Variants in BNIP1 observed in about 807,000 individuals in gnomAD.
BNIP1 encodes the protein vesicle transport protein SEC20.
BNIP1 carries 25 observed loss-of-function variants against 28.5 expected under a neutral mutation model. The ratio of observed to expected loss-of-function variants is 0.88; its 90% CI spans 0.64 to 1.23. The LOEUF is 1.23. BNIP1 is among the 50% of genes most tolerant of loss of function. BNIP1 has a pLI of 0.00. For missense variants in BNIP1, 276 were observed against 277.0 expected (o/e 1.00, Z 0.02); for synonymous variants, 118 against 101.7 (o/e 1.16, Z -0.96).
chr5:173,147,040 C>T (rs2113835731), intron 2 of BNIP1, 82 bp downstream of exon 2: 1 of 1,074,282 alleles, frequency 9.3e-7, no homozygotes, highest in Non-Finnish European at 1.4e-6. Context: ...GTTCTTCAAA[C>T]ACCAGCTGAT....
At chr5:173,158,340 A>G (rs1185496847) in intron 3 of BNIP1, among the ~76,000 whole-genome samples, 1 of 152,212 alleles carries the variant, frequency 6.6e-6, no homozygotes, top group Admixed American at 6.5e-5. Context: ...GATGGTACCA[A>G]TTAATACACA....
At chr5:173,150,581 A>G (rs1315762909) in intron 2 of BNIP1, among the ~76,000 whole-genome samples, 189 of 152,290 alleles carry the variant, frequency 1.2e-3, no homozygotes, top group Non-Finnish European at 2.2e-4. Context: ...TTTTGAAAAG[A>G]TGTTCCTTTT....
At chr5:173,160,801 C>T (rs914288402) in intron 5 of BNIP1, 1 of 456,044 alleles carries the variant, frequency 2.2e-6, no homozygotes, top group African/African-American at 2.0e-5. Context: ...AATTATACTC[C>T]CCAACGTTAT....
At chr5:173,160,773 G>T in intron 5 of BNIP1, 3 of 455,784 alleles carry the variant, frequency 6.6e-6, no homozygotes, top group Non-Finnish European at 1.3e-5. Flanking sequence ...TGGTAGGACT[G>T]CTAGGACCTC....
chr5:173,149,900 G>A (rs1332098562), intron 2 of BNIP1, among the ~76,000 whole-genome samples: 1 of 152,062 alleles, frequency 6.6e-6, no homozygotes, highest in Non-Finnish European at 1.5e-5. Flanking sequence ...TCCAACACTG[G>A]GGATTACCAT....
intron 2 of BNIP1, chr5:173,151,518 G>C: frequency 6.4e-7 from 1 of 1,568,796 alleles, no homozygotes; most frequent in Non-Finnish European, 8.6e-7. Flanking sequence ...ACCACACCTG[G>C]TCTCTCATTC....
chr5:173,156,315 G>C (rs778957404), intron 3 of BNIP1, among the ~76,000 whole-genome samples: 2 of 152,148 alleles, frequency 1.3e-5, no homozygotes, highest in Non-Finnish European at 2.9e-5. Context: ...CATCCACAAT[G>C]TAGCATTACA....
intron 2 of BNIP1, among the ~76,000 whole-genome samples, chr5:173,151,849 C>A (rs972054058): frequency 1.3e-5 from 2 of 152,318 alleles, no homozygotes; most frequent in East Asian, 3.9e-4. Context: ...AAATGAATAA[C>A]CCCATCCCAG....
chr5:173,145,108 C>T (rs1004906874), intron 1 of BNIP1: 3 of 159,046 alleles, frequency 1.9e-5, no homozygotes, highest in South Asian at 1.6e-4. Context: ...CGAATGTAAC[C>T]TGGACCGTAG....
intron 3 of BNIP1, among the ~76,000 whole-genome samples, chr5:173,154,819 G>A (rs901756406): frequency 1.3e-5 from 2 of 152,186 alleles, no homozygotes; most frequent in Non-Finnish European, 2.9e-5. Flanking sequence ...ACCACGCCCA[G>A]CCAATTGCAT....
Position 173,163,934 on chromosome 5 carries a change from G to A in BNIP1, c.*13G>A. ...TCCATTTTTGTGAGATCCCAAAGGT[G>A]CCAGTTCTGGCCCTTTCAGCTCCTG... On this transcript the variant is annotated 3_prime_UTR_variant, in exon 6 of 6. Transcript: ENST00000351486. 1.3e-6 allele frequency: 2 copies of A among 1,576,588 alleles called. No homozygotes were observed. The highest frequency in any genetic ancestry group is 2.4e-5 in the South Asian group (2 of 84,624).
At chr5:173,158,031 A>T (rs1356930398) in intron 3 of BNIP1, among the ~76,000 whole-genome samples, 1 of 149,870 alleles carries the variant, frequency 6.7e-6, no homozygotes, top group Non-Finnish European at 1.5e-5. Context: ...GGCTCAGGTG[A>T]TCTTCGCTCC....
At chr5:173,147,113 C>T (rs1295450149) in intron 2 of BNIP1, among the ~76,000 whole-genome samples, 155 bp downstream of exon 2, 1 of 151,960 alleles carries the variant, frequency 6.6e-6, no homozygotes, top group Non-Finnish European at 1.5e-5. Context: ...CAGGTAAAAA[C>T]GAGAAACTTT....
chr5:173,149,874 C>T (rs992729178), intron 2 of BNIP1, among the ~76,000 whole-genome samples: 9 of 152,190 alleles, frequency 5.9e-5, no homozygotes, highest in African/African-American at 1.7e-4. Context: ...CCAAACACCT[C>T]CCACCAGGCC....
At chr5:173,160,892 A>G (rs757950764) in intron 5 of BNIP1, 1 of 456,220 alleles carries the variant, frequency 2.2e-6, no homozygotes, top group South Asian at 1.5e-5. Flanking sequence ...TTCCTCCAAT[A>G]GTTTTCCCAG....
At chr5:173,160,998 T>G in intron 5 of BNIP1, 1 of 370,980 alleles carries the variant, frequency 2.7e-6, no homozygotes, top group Non-Finnish European at 5.3e-6. Flanking sequence ...GAAACGCTTT[T>G]GGAAAATTGC....
rs573889400 is a variant in BNIP1, at chr5:173,156,748, C to T, written c.270-1996C>T. On this transcript the variant is annotated intron_variant, in intron 3 of 5. Coordinates refer to ENST00000351486, the MANE Select transcript of BNIP1 (RefSeq NM_001205.3). ...CTGCAAGCTCCACCTCCCGGGTTCA[C>T]GCCATTCTCCTGCCTCAGCCTCTCC... 3.3e-5 allele frequency among the ~76,000 whole-genome samples: 5 copies of T among 151,012 alleles called. No homozygotes were observed. The East Asian group carries it at 7.8e-4, about 24-fold the overall frequency.
At chr5:173,162,177 T>C (rs1429994641) in intron 5 of BNIP1, among the ~76,000 whole-genome samples, 1 of 152,232 alleles carries the variant, frequency 6.6e-6, no homozygotes, top group African/African-American at 2.4e-5. Flanking sequence ...AGTAGGCACA[T>C]GTTAAAAAGT....
intron 2 of BNIP1, among the ~76,000 whole-genome samples, chr5:173,148,788 A>G (rs1237756806): frequency 6.6e-6 from 1 of 151,982 alleles, no homozygotes; most frequent in East Asian, 1.9e-4. Flanking sequence ...AATTTGAGAT[A>G]ATTGCATTCT....
Sources: allele counts gnomAD v4.1 joint callset (sites outside exome capture counted in the v4.1 genomes callset), GRCh38; gene constraint gnomAD v4.1.1; transcripts MANE v1.5; gene names NCBI Gene and HGNC (gene_info 2026-07-23, HGNC 2026-07-21).